TGM3: variants seen among roughly 807,000 people sequenced by gnomAD.
The protein encoded by TGM3 is transglutaminase 3.
TGM3 carries 52 observed loss-of-function variants against 73.8 expected under a neutral mutation model. The observed-to-expected ratio is 0.70, with a 90% CI of 0.56 to 0.89. The LOEUF is 0.89. TGM3 is among the 40% of genes least tolerant of loss of function. The pLI is 0.00. For synonymous variants in TGM3, 372 were observed against 354.9 expected, an observed-to-expected ratio of 1.05 and a Z score of -0.54; for missense variants, 928 against 909.9, an observed-to-expected ratio of 1.02 and a Z score of -0.26.
rs750698398 is a variant in TGM3, at chr20:2,335,085, C to G, written c.1643-31C>G. On this transcript the variant is annotated intron_variant, in intron 10 of 12. Coordinates refer to ENST00000381458, the MANE Select transcript of TGM3 (RefSeq NM_003245.4). The stretch of plus-strand genomic sequence containing the variant: ...GGTTCAGAAGCCATCCCCACTCCCC[C>G]TCACTCGGATCCCCTGGCTTCTCCT... 4.3e-6 allele frequency: 7 copies of G among 1,613,338 alleles called. No individual in the cohort carries two copies. The Admixed American group carries it at 8.3e-5, about 19-fold the overall frequency.
At chr20:2,306,507 C>T (rs2084177513) in intron 1 of TGM3, among the ~76,000 whole-genome samples, 3 of 138,492 alleles carry the variant, frequency 2.2e-5, no homozygotes, top group South Asian at 2.3e-4. Flanking sequence ...GATGGAATCT[C>T]GCTCTGTTAC....
intron 2 of TGM3, 58 bp downstream of exon 2, chr20:2,309,888 A>C: frequency 1.2e-6 from 2 of 1,601,388 alleles, no homozygotes; most frequent in African/African-American, 1.3e-5. Context: ...GCCCTTGTTC[A>C]TTCAAGGACT....
At chr20:2,296,665 G>A (rs1449334208) in intron 1 of TGM3, among the ~76,000 whole-genome samples, 7 of 152,260 alleles carry the variant, frequency 4.6e-5, no homozygotes, top group Non-Finnish European at 7.4e-5. Context: ...CCCGTAGCAG[G>A]AGCAGGTGTG....
chr20:2,327,976 T>C (rs767733305), intron 8 of TGM3, 144 bp from the exon 9 acceptor site: 5 of 1,169,392 alleles, frequency 4.3e-6, no homozygotes, highest in Admixed American at 2.1e-5. Context: ...GAATGCCAAA[T>C]GAGTGGGACA....
chr20:2,312,396 CAAAAAAAAAAAA>C lies in TGM3; in HGVS notation c.541-488_541-477del, dbSNP rs57369938. On this transcript the variant is annotated intron_variant, in intron 4 of 12. Transcript: ENST00000381458. ...TGGGTGACAGAGCAAGACTCCGTCT[CAAAAAAAAAAAA>C]AAAAAAAAAAAAAGGATGGGAGGCA... 5.0e-5 allele frequency among the ~76,000 whole-genome samples: 3 copies of C among 60,478 alleles called. No homozygotes were observed. The South Asian group carries it at 3.2e-3, about 65-fold the overall frequency. 39.7% of individuals were successfully genotyped at this position (60,478 alleles called of 152,430 possible). A position where few individuals can be genotyped will look rare whatever the true frequency, so the allele number is the denominator to read the frequency against.
At chr20:2,336,640 G>C (rs2084352960) in intron 11 of TGM3, among the ~76,000 whole-genome samples, 1 of 151,030 alleles carries the variant, frequency 6.6e-6, no homozygotes, top group African/African-American at 2.4e-5. Context: ...TTACTGTCCT[G>C]GTTAGTTTGG....
rs530454967 is a variant in TGM3, at chr20:2,327,208, C to T, written c.1088-912C>T. 1.4e-4 allele frequency among the ~76,000 whole-genome samples: 21 copies of T among 152,168 alleles called. No individual in the cohort carries two copies. The South Asian group carries it at 1.9e-3, about 14-fold the overall frequency. ...AGACTAGGCTGGGCGCAGTGGCTCA[C>T]GCCTGTAATCCCAGCACTTTGGGAG... On this transcript the variant is annotated intron_variant, in intron 8 of 12. Coordinates refer to ENST00000381458, the MANE Select transcript of TGM3 (RefSeq NM_003245.4).
chr20:2,327,882 G>A (rs901965067), intron 8 of TGM3, among the ~76,000 whole-genome samples: 1 of 152,204 alleles, frequency 6.6e-6, no homozygotes, highest in Non-Finnish European at 1.5e-5. Context: ...CATGGATTAG[G>A]CGCCCGGAAT....
At position 2,317,124 on chromosome 20, in the gene TGM3, C is replaced by T. The variant is rs139192773; in HGVS notation, c.726C>T (p.Thr242=). The change falls in exon 6 of 13, where the codon ACC becomes ACT. Residue 242 remains threonine, a synonymous_variant. Transcript: ENST00000381458. ...CTGGGAATTGGAGCGGCACTTACAC[C>T]GGTGGCCGGGACCCAAGGAGCTGGA... ...VLAGNWSGTY[T]GGRDPRSWNG... The T allele has an allele frequency of 2.5e-5, 41 of 1,613,944 alleles. No homozygotes were observed. Among genetic ancestry groups the T allele is most frequent in the African/African-American group, 1.2e-4 (9 of 75,018 alleles).
intron 8 of TGM3, among the ~76,000 whole-genome samples, chr20:2,327,333 G>A (rs188016764): frequency 5.3e-4 from 80 of 151,850 alleles, no homozygotes; most frequent in African/African-American, 1.8e-3. Context: ...AAAATTAGCC[G>A]GGCGTGGTGG....
intron 7 of TGM3, among the ~76,000 whole-genome samples, chr20:2,318,847 A>G (rs905641600): frequency 1.3e-5 from 2 of 152,244 alleles, no homozygotes; most frequent in African/African-American, 2.4e-5. Context: ...ACGAAAATAG[A>G]TAATAATGGA....
rs182525944 is a variant in TGM3, at chr20:2,319,701, C to T, written c.983+2216C>T. Among the ~76,000 whole-genome samples, 526 of 152,250 alleles carry T rather than the reference C, an allele frequency of 3.5e-3. 2 individuals are homozygous for T. The highest frequency in any genetic ancestry group is 9.7e-3 in the Admixed American group (149 of 15,296). ...TTCCTGAGGATCTTGTCACCCCTCC[C>T]TTCCTCTCCCCTTTTCTGAACCTTC... On this transcript the variant is annotated intron_variant, in intron 7 of 12. Transcript: ENST00000381458.
Position 2,335,169 on chromosome 20 carries a change from T to G in TGM3, c.1696T>G (p.Ser566Ala). The G allele has an allele frequency of 6.2e-7, 1 of 1,614,122 alleles. No individual in the cohort carries two copies. Among genetic ancestry groups the G allele is most frequent in the Non-Finnish European group, 8.5e-7 (1 of 1,179,998 alleles). ...CGCTCAGTATGAGAAGTACCTGAAG[T>G]CAGACAACATGATCCGGATCACAGC... is the stretch of plus-strand genomic sequence containing the variant. ...SYAQYEKYLK[S>A]DNMIRITAVC... is the part of the protein sequence containing the mutation. The change falls in exon 11 of 13, where the codon TCA becomes GCA. Residue 566 changes from serine (S) to alanine (A), a missense_variant. By Grantham distance (99) the Ser-to-Ala change is moderately conservative. Transcript: ENST00000381458.
chr20:2,322,867 G>A (rs958473524), intron 7 of TGM3, among the ~76,000 whole-genome samples: 1 of 152,114 alleles, frequency 6.6e-6, no homozygotes, highest in Non-Finnish European at 1.5e-5. Context: ...TGACATGATA[G>A]AAAATAAAAA....
At position 2,296,021 on chromosome 20, in the gene TGM3, C is replaced by A; in HGVS notation, c.-43C>A. 6.4e-7 allele frequency: 1 copy of A among 1,551,204 alleles called. No homozygotes were observed. Among genetic ancestry groups the A allele is most frequent in the East Asian group, 2.4e-5 (1 of 40,924 alleles). ...AGCCTGTCTGTCAGCACTGTCCGTG[C>A]CATTCCCAGAGGAGCCTGAGAAGAG... On this transcript the variant is annotated 5_prime_UTR_variant, in exon 1 of 13. Transcript: ENST00000381458.
rs755354776 is a variant in TGM3, at chr20:2,296,018, G to A, written c.-46G>A. On this transcript the variant is annotated 5_prime_UTR_variant, in exon 1 of 13. In the 5' UTR this introduces an upstream ATG that the reference lacks. Transcript: ENST00000381458. ...GGCAGCCTGTCTGTCAGCACTGTCC[G>A]TGCCATTCCCAGAGGAGCCTGAGAA... 9.7e-6 allele frequency: 15 copies of A among 1,551,128 alleles called. No individual in the cohort carries two copies. The highest frequency in any genetic ancestry group is 2.7e-5 in the African/African-American group (2 of 73,164).
At chr20:2,331,379 T>C (rs1164235295) in intron 9 of TGM3, among the ~76,000 whole-genome samples, 2 of 152,186 alleles carry the variant, frequency 1.3e-5, no homozygotes, top group Non-Finnish European at 2.9e-5. Flanking sequence ...AAACCCATCT[T>C]TTTATCCAGT....
chr20:2,328,075 G>A lies in TGM3; in HGVS notation c.1088-45G>A, dbSNP rs368504160. On this transcript the variant is annotated intron_variant, in intron 8 of 12. Coordinates refer to ENST00000381458, the MANE Select transcript of TGM3 (RefSeq NM_003245.4). This position sits in a 1 kb window ranked among gnomAD's most constrained non-coding sequence, Gnocchi z 5.2. ...CCCTGGGGAATCGGGCACTGGGTAG[G>A]TTGTGGCCTTGGCATATATCCAGCC... 2.5e-6 allele frequency: 4 copies of A among 1,612,470 alleles called. No homozygotes were observed. Among genetic ancestry groups the A allele is most frequent in the African/African-American group, 1.3e-5 (1 of 74,898 alleles).
rs1237220422 is a variant in TGM3 at position 2,334,177 on chromosome 20, G to C, written c.1643-939G>C. Among the ~76,000 whole-genome samples, 3 of 152,174 alleles carry C rather than the reference G, an allele frequency of 2.0e-5. No homozygotes were observed. The highest frequency in any genetic ancestry group is 4.4e-5 in the Non-Finnish European group (3 of 68,024). ...CCGGATGCATGGAGAGAAGCCAGGG[G>C]AGGCATTTCCATCTGGGGGAACCAT... On this transcript the variant is annotated intron_variant, in intron 10 of 12. Coordinates refer to ENST00000381458, the MANE Select transcript of TGM3 (RefSeq NM_003245.4). The surrounding 1 kb of genome is among the most constrained non-coding windows in gnomAD (Gnocchi z 4.0).
Sources: gnomAD v4.1 joint callset for allele counts (sites outside exome capture counted in the v4.1 genomes callset) on GRCh38, gnomAD v4.1.1 for gene constraint, Gnocchi (gnomAD v3.1) non-coding constraint, MANE v1.5 for transcripts, NCBI Gene and HGNC (gene_info 2026-07-23, HGNC 2026-07-21) for gene names.